RP1: variants seen among roughly 807,000 people sequenced by gnomAD.
RP1 encodes the protein oxygen-regulated protein 1.
Under a neutral mutation model 14.8 loss-of-function variants are expected in RP1, and 16 were observed. The observed-to-expected ratio is 1.08, with a 90% CI of 0.73 to 1.65. The LOEUF (loss-of-function observed/expected upper bound fraction) is 1.65. Among genes scored for constraint, RP1 ranks in the 40% most tolerant of loss-of-function variants. The pLI, the probability that RP1 is intolerant of heterozygous loss-of-function variation, is 0.00. For missense variants in RP1, 2,631 were observed against 2,535.0 expected (o/e 1.04, Z -0.81); for synonymous variants, 876 against 883.6 (o/e 0.99, Z 0.15).
chr8:54,627,989 G>C lies in RP1; in HGVS notation c.4107G>C (p.Gln1369His), dbSNP rs1806122530. 5 of 1,614,034 alleles carry C rather than the reference G, an allele frequency of 3.1e-6. No homozygotes were observed. Among genetic ancestry groups the C allele is most frequent in the Non-Finnish European group, 4.2e-6 (5 of 1,179,948 alleles). The change falls in exon 4 of 4, where the codon CAG (glutamine) becomes CAC (histidine). Residue 1369 changes from glutamine (Q) to histidine (H), a missense_variant. Gln to His is a conservative substitution (Grantham distance 24). Coordinates refer to ENST00000220676, the MANE Select transcript of RP1 (RefSeq NM_006269.2). ...TEELERGDDI[Q>H]KDLNILTDPE... ...AGTTAGAAAGAGGTGATGACATTCA[G>C]AAAGATCTAAATATTTTGACAGACC...
chr8:54,866,752 C>T (rs1487851864), intron 28 of RP1, among the ~76,000 whole-genome samples: 1 of 152,072 alleles, frequency 6.6e-6, no homozygotes, highest in Non-Finnish European at 1.5e-5. Context: ...GACCTATGGT[C>T]CCCACATGGG....
intron 18 of RP1, among the ~76,000 whole-genome samples, chr8:54,737,116 G>A (rs146863429): frequency 6.6e-6 from 1 of 152,208 alleles, no homozygotes; most frequent in Admixed American, 6.5e-5. Flanking sequence ...TTAAACTTGG[G>A]TTCAAATTTT....
intron 24 of RP1, among the ~76,000 whole-genome samples, chr8:54,797,488 T>C (rs929106526): frequency 1.3e-5 from 2 of 151,512 alleles, no homozygotes; most frequent in South Asian, 4.2e-4. Flanking sequence ...ACTAGATGAG[T>C]GCAGAAAACT....
At chr8:54,811,686 C>G (rs1032107701) in intron 24 of RP1, among the ~76,000 whole-genome samples, 1 of 152,118 alleles carries the variant, frequency 6.6e-6, no homozygotes, top group South Asian at 2.1e-4. Context: ...ATATCCCCAG[C>G]CATTTTTAAA....
intron 25 of RP1, among the ~76,000 whole-genome samples, chr8:54,845,812 C>T (rs1811904815): frequency 6.6e-6 from 1 of 152,158 alleles, no homozygotes; most frequent in African/African-American, 2.4e-5. Flanking sequence ...GCTTCTGGGG[C>T]CAAAATTCTG....
At chr8:54,815,046 TG>T (rs1453288126) in intron 24 of RP1, among the ~76,000 whole-genome samples, 1 of 152,264 alleles carries the variant, frequency 6.6e-6, no homozygotes, top group Non-Finnish European at 1.5e-5. Context: ...CCCTTGTGAT[TG>T]AGCTATTCTT....
rs1409468781 is a variant in RP1, at chr8:54,626,528, T to C, written c.2646T>C (p.Ile882=). 6.2e-7 allele frequency: 1 copy of C among 1,613,804 alleles called. No homozygotes were observed. Among genetic ancestry groups the C allele is most frequent in the Non-Finnish European group, 8.5e-7 (1 of 1,179,892 alleles). The change falls in exon 4 of 4, where the codon ATT becomes ATC. Residue 882 remains isoleucine (I), a synonymous_variant. Coordinates refer to ENST00000220676, the MANE Select transcript of RP1 (RefSeq NM_006269.2). ...GGGATAAAGTGAAAGCAAGTGCTAT[T>C]TTAAGTAAACAACATGCTACAACCA... ...RKGDKVKASA[I]LSKQHATTRA...
intron 1 of RP1, among the ~76,000 whole-genome samples, chr8:54,591,221 A>G (rs367596576): frequency 6.6e-6 from 1 of 152,140 alleles, no homozygotes; most frequent in African/African-American, 2.4e-5. Context: ...AAAAAAGTAC[A>G]ATCTAAACTC....
intron 1 of RP1, among the ~76,000 whole-genome samples, chr8:54,591,385 C>T (rs1416205797): frequency 6.6e-6 from 1 of 152,034 alleles, no homozygotes; most frequent in East Asian, 1.9e-4. Flanking sequence ...GGGCTTTGTA[C>T]TTGCTCTGTC....
intron 1 of RP1, among the ~76,000 whole-genome samples, chr8:54,592,620 T>G (rs1805064522): frequency 6.6e-6 from 1 of 152,198 alleles, no homozygotes; most frequent in Non-Finnish European, 1.5e-5. Flanking sequence ...TTGCTTGCAA[T>G]GAAGAGCTCT....
At chr8:54,798,399 G>A (rs547318187) in intron 24 of RP1, among the ~76,000 whole-genome samples, 11 of 152,232 alleles carry the variant, frequency 7.2e-5, no homozygotes, top group South Asian at 4.1e-4. Context: ...CAAAGAGAGC[G>A]ATAGATTAGA....
At chr8:54,561,136 C>T (rs1804278273) in intron 1 of RP1, 1 of 152,166 alleles carries the variant, frequency 6.6e-6, no homozygotes, top group African/African-American at 2.4e-5. Context: ...AAGGGTATCT[C>T]TCAGTCTGAC....
intron 12 of RP1, among the ~76,000 whole-genome samples, chr8:54,687,679 A>T (rs1000340734): frequency 6.6e-6 from 1 of 152,168 alleles, no homozygotes; most frequent in Non-Finnish European, 1.5e-5. Context: ...CATGGTGTAT[A>T]TACGCCACAT....
At chr8:54,701,259 C>A (rs1339093370) in intron 13 of RP1, among the ~76,000 whole-genome samples, 1 of 152,044 alleles carries the variant, frequency 6.6e-6, no homozygotes, top group Non-Finnish European at 1.5e-5. Flanking sequence ...ATTTTTCCAA[C>A]ATTCTTCCAT....
At chr8:54,806,963 A>G (rs895015599) in intron 24 of RP1, among the ~76,000 whole-genome samples, 13 of 152,236 alleles carry the variant, frequency 8.5e-5, no homozygotes, top group Non-Finnish European at 1.3e-4. Flanking sequence ...AAAAAATTAG[A>G]TTTCTAAAAG....
chr8:54,670,971 C>G (rs1807167629), intron 7 of RP1, among the ~76,000 whole-genome samples: 1 of 151,654 alleles, frequency 6.6e-6, no homozygotes, highest in South Asian at 2.1e-4. Context: ...ATGTTGCTAT[C>G]TAGTGTCCTT....
At chr8:54,561,166 A>T (rs1189549884) in intron 1 of RP1, among the ~76,000 whole-genome samples, 6 of 152,218 alleles carry the variant, frequency 3.9e-5, no homozygotes, top group Non-Finnish European at 8.8e-5. Context: ...TGAAAAAGCA[A>T]GTCCATCAAA....
chr8:54,602,185 T>A (rs1288603416), intron 1 of RP1, among the ~76,000 whole-genome samples: 1 of 151,880 alleles, frequency 6.6e-6, no homozygotes, highest in African/African-American at 2.4e-5. Flanking sequence ...ATCCCTCCCC[T>A]CTTCCCCCAC....
chr8:54,602,519 C>A (rs1242410491), intron 1 of RP1, among the ~76,000 whole-genome samples: 1 of 152,016 alleles, frequency 6.6e-6, no homozygotes, highest in East Asian at 1.9e-4. Context: ...GTCTTTATAG[C>A]AGCATGTTTT....
Sources: allele counts gnomAD v4.1 joint callset (sites outside exome capture counted in the v4.1 genomes callset), GRCh38; gene constraint gnomAD v4.1.1; transcripts MANE v1.5; gene names NCBI Gene and HGNC (gene_info 2026-07-23, HGNC 2026-07-21).